PCDH9: variants seen among roughly 807,000 people sequenced by gnomAD.
PCDH9 encodes the protein protocadherin 9.
Under a neutral mutation model 70.6 loss-of-function variants are expected in PCDH9, and 24 were observed. That is an observed-to-expected ratio of 0.34 (90% CI 0.25 to 0.48). The LOEUF (loss-of-function observed/expected upper bound fraction) is 0.48, where lower values mean the gene tolerates loss of function less well. Ranked by LOEUF, PCDH9 falls within the 20% of genes least tolerant of loss-of-function variation. The pLI, the probability that PCDH9 is intolerant of heterozygous loss-of-function variation, is 0.99. For missense variants in PCDH9, 1,281 were observed against 1,503.6 expected, an observed-to-expected ratio of 0.85 and a Z score of 2.45; for synonymous variants, 562 against 558.5, an observed-to-expected ratio of 1.01 and a Z score of -0.09.
intron 2 of PCDH9, among the ~76,000 whole-genome samples, chr13:67,036,239 G>A (rs1168404732): frequency 6.6e-6 from 1 of 152,144 alleles, no homozygotes; most frequent in Non-Finnish European, 1.5e-5. Flanking sequence ...TGAAGAAAAT[G>A]TTTTAGGTAC....
At chr13:66,513,784 T>G (rs1329351292) in intron 4 of PCDH9, among the ~76,000 whole-genome samples, 1 of 151,966 alleles carries the variant, frequency 6.6e-6, no homozygotes, top group Non-Finnish European at 1.5e-5. Context: ...GTCAGGATAT[T>G]TTTTCCTCAA....
chr13:67,173,607 T>C lies in PCDH9; in HGVS notation c.3036+51798A>G, dbSNP rs1236974076. On this transcript the variant is annotated intron_variant, in intron 2 of 4. Transcript: ENST00000377865. ...GGTGAACTCAAATCCCAAGAGCCTCTGGTATACACTTCAGTTCGACAGAGA... is the reference window on the plus strand; with the variant it reads ...GGTGAACTCAAATCCCAAGAGCCTCCGGTATACACTTCAGTTCGACAGAGA... 3.9e-5 allele frequency among the ~76,000 whole-genome samples: 6 copies of C among 152,236 alleles called. No homozygotes were observed. The East Asian group carries it at 1.2e-3, about 29-fold the overall frequency.
intron 3 of PCDH9, among the ~76,000 whole-genome samples, chr13:66,681,080 A>G (rs1348252030): frequency 6.6e-6 from 1 of 152,084 alleles, no homozygotes; most frequent in East Asian, 1.9e-4. Context: ...CAGAAATGTA[A>G]GGCAGAAGTC....
chr13:66,587,317 A>AAAAC (rs1011330488), intron 4 of PCDH9, among the ~76,000 whole-genome samples: 3 of 152,082 alleles, frequency 2.0e-5, no homozygotes, highest in African/African-American at 7.2e-5. Flanking sequence ...AAAACAAAAC[A>AAAAC]AAACAAAAAG....
rs143010060 is a variant in PCDH9, at chr13:66,335,492, C to G, written c.3341-30464G>C. On this transcript the variant is annotated intron_variant, in intron 4 of 4. Coordinates refer to ENST00000377865, the MANE Select transcript of PCDH9 (RefSeq NM_203487.3). ...TAACATTTTTGCAGTACTTATATAC[C>G]AGGGACCATGCCAAATATCAGATAC... Among the ~76,000 whole-genome samples, 866 of 152,190 alleles carry G rather than the reference C, an allele frequency of 5.7e-3. 8 individuals carry two copies. Among genetic ancestry groups the G allele is most frequent in the African/African-American group, 0.02 (816 of 41,536 alleles).
At chr13:66,982,527 A>G (rs2083795878) in intron 2 of PCDH9, among the ~76,000 whole-genome samples, 1 of 152,144 alleles carries the variant, frequency 6.6e-6, no homozygotes, top group Admixed American at 6.5e-5. Flanking sequence ...AAATAGTTAA[A>G]TTTGTTAAAT....
At chr13:66,630,429 C>T (rs183461964) in intron 4 of PCDH9, among the ~76,000 whole-genome samples, 19 of 152,000 alleles carry the variant, frequency 1.3e-4, no homozygotes, top group African/African-American at 3.6e-4. Context: ...TAAAAGTAAG[C>T]TAGTCAGTGT....
At chr13:66,984,720 A>G (rs1248620750) in intron 2 of PCDH9, among the ~76,000 whole-genome samples, 10 of 152,148 alleles carry the variant, frequency 6.6e-5, no homozygotes, top group Non-Finnish European at 1.5e-4. Context: ...TATAATTTCA[A>G]TTTACTATCA....
At chr13:66,561,152 A>C (rs141276130) in intron 4 of PCDH9, among the ~76,000 whole-genome samples, 19,069 of 152,230 alleles carry the variant, frequency 0.13, 1,434 homozygotes, top group Middle Eastern at 0.24. Context: ...CAGGCCCCGC[A>C]CTCGGAGCGG....
chr13:66,744,155 A>G (rs2079319092), intron 3 of PCDH9, among the ~76,000 whole-genome samples: 2 of 152,222 alleles, frequency 1.3e-5, no homozygotes, highest in African/African-American at 4.8e-5. Flanking sequence ...CTGTCTCCAC[A>G]CTTCCAAAAC....
intron 4 of PCDH9, among the ~76,000 whole-genome samples, chr13:66,476,553 G>T (rs148016003): frequency 1.3e-5 from 2 of 151,862 alleles, no homozygotes; most frequent in African/African-American, 4.8e-5. Flanking sequence ...TGAGAAAGAC[G>T]AGTATACATT....
chr13:67,124,258 C>T (rs2086932708), intron 2 of PCDH9, among the ~76,000 whole-genome samples: 1 of 151,922 alleles, frequency 6.6e-6, no homozygotes, highest in African/African-American at 2.4e-5. Context: ...GTTTGCTATT[C>T]ATGAAAAATA....
At chr13:66,531,436 A>G (rs769678401) in intron 4 of PCDH9, among the ~76,000 whole-genome samples, 3 of 152,130 alleles carry the variant, frequency 2.0e-5, no homozygotes, top group Non-Finnish European at 4.4e-5. Flanking sequence ...GATCGAAAGC[A>G]CTGTTGTGAA....
rs144935129 is a variant in PCDH9 at position 66,869,307 on chromosome 13, A to C, written c.3138+34197T>G. Among the ~76,000 whole-genome samples, 3 of 152,232 alleles carry C rather than the reference A, an allele frequency of 2.0e-5. No homozygotes were observed. The East Asian group carries it at 5.8e-4, about 29-fold the overall frequency. ...TAAAAGAAACTTCATCATCATCATCATTGTCAAAACTGGCATTTCTTGAAG... is the reference window on the plus strand; with the variant it reads ...TAAAAGAAACTTCATCATCATCATCCTTGTCAAAACTGGCATTTCTTGAAG... On this transcript the variant is annotated intron_variant, in intron 3 of 4. Coordinates refer to ENST00000377865, the MANE Select transcript of PCDH9 (RefSeq NM_203487.3).
intron 4 of PCDH9, among the ~76,000 whole-genome samples, chr13:66,320,761 T>G (rs781376633): frequency 4.6e-5 from 7 of 152,044 alleles, no homozygotes; most frequent in Non-Finnish European, 7.4e-5. Context: ...GACAGTAGTA[T>G]TATTTTAGTT....
intron 3 of PCDH9, among the ~76,000 whole-genome samples, chr13:66,683,451 T>C (rs1452616980): frequency 6.6e-6 from 1 of 152,182 alleles, no homozygotes; most frequent in Non-Finnish European, 1.5e-5. Flanking sequence ...GCCACTGGGA[T>C]AATGCTATCT....
chr13:67,086,720 G>GA (rs2086115583), intron 2 of PCDH9, among the ~76,000 whole-genome samples: 1 of 152,040 alleles, frequency 6.6e-6, no homozygotes, highest in South Asian at 2.1e-4. Context: ...TGGCTGTAAA[G>GA]AAAAAGATAA....
chr13:66,572,169 C>G (rs965695925), intron 4 of PCDH9, among the ~76,000 whole-genome samples: 1 of 152,018 alleles, frequency 6.6e-6, no homozygotes, highest in Non-Finnish European at 1.5e-5. Context: ...ATAATCAAGT[C>G]AGGGTAATTA....
At chr13:67,013,569 C>G (rs1020116685) in intron 2 of PCDH9, among the ~76,000 whole-genome samples, 1 of 151,830 alleles carries the variant, frequency 6.6e-6, no homozygotes, top group Non-Finnish European at 1.5e-5. Flanking sequence ...ATAATTATAA[C>G]ACAATGCTTT....
Sources: allele counts gnomAD v4.1 joint callset (sites outside exome capture counted in the v4.1 genomes callset), GRCh38; gene constraint gnomAD v4.1.1; transcripts MANE v1.5; gene names NCBI Gene and HGNC (gene_info 2026-07-23, HGNC 2026-07-21).